Variants in RTBDN observed in about 807,000 individuals in gnomAD.
RTBDN encodes retbindin.
RTBDN carries 24 observed loss-of-function variants against 21.9 expected under a neutral mutation model. The ratio of observed to expected loss-of-function variants is 1.10; its 90% CI spans 0.79 to 1.54. The LOEUF (loss-of-function observed/expected upper bound fraction) is 1.54. Ranked by LOEUF, RTBDN falls within the 40% of genes most tolerant of loss-of-function variation. RTBDN has a pLI of 0.00. For synonymous variants in RTBDN, 141 were observed against 125.9 expected (o/e 1.12, Z -0.80); for missense variants, 325 against 315.2 (o/e 1.03, Z -0.23).
At chr19:12,829,033 A>G in intron 2 of RTBDN, 80 bp from the exon 3 acceptor site, 1 of 1,577,898 alleles carries the variant, frequency 6.3e-7, no homozygotes, top group Non-Finnish European at 8.6e-7. Context: ...GATCCCCTGG[A>G]CAGGGGAGAC....
chr19:12,826,109 G>T, intron 5 of RTBDN, 176 bp from the exon 6 acceptor site: 1 of 1,401,954 alleles, frequency 7.1e-7, no homozygotes. Flanking sequence ...GAGGGTGAAT[G>T]TTCTTACTGG....
upstream of RTBDN, chr19:12,835,418 G>T (rs1467303109): frequency 5.9e-6 from 2 of 338,894 alleles, no homozygotes; most frequent in African/African-American, 2.1e-5. Context: ...GGTCCGCGCC[G>T]TCGGGTTTCT....
chr19:12,835,111 C>T (rs371005746), upstream of RTBDN: 4 of 1,612,814 alleles, frequency 2.5e-6, no homozygotes, highest in Non-Finnish European at 3.4e-6. Context: ...CTAGACTCCC[C>T]TAATCCATCA....
chr19:12,834,519 C>T lies in RTBDN; in HGVS notation c.-49G>A. 1 of 1,535,600 alleles carries T rather than the reference C, an allele frequency of 6.5e-7. No individual in the cohort carries two copies. The highest frequency in any genetic ancestry group is 1.2e-5 in the South Asian group (1 of 84,052). On this transcript the variant is annotated 5_prime_UTR_variant, in exon 1 of 6. Transcript: ENST00000674343. The surrounding 1 kb of genome is among the most constrained non-coding windows in gnomAD (Gnocchi z 4.7). ...TGGCCATCAGGATTCTTCCTACTGC[C>T]CTAATTGGACAGGCACCTAGACAGC...
intron 4 of RTBDN, among the ~76,000 whole-genome samples, chr19:12,828,119 C>T (rs1268078219): frequency 1.4e-5 from 2 of 146,054 alleles, no homozygotes; most frequent in Non-Finnish European, 3.0e-5. Context: ...AAAAAAAGGC[C>T]GGGCACGGTG....
upstream of RTBDN, chr19:12,835,024 C>T: frequency 6.3e-7 from 1 of 1,595,468 alleles, no homozygotes; most frequent in Non-Finnish European, 8.6e-7. Context: ...CGAGAATGGG[C>T]CCAGACTCAG....
Position 12,830,041 on chromosome 19 carries a change from T to C in RTBDN, c.-18-44A>G. 4 of 1,572,638 alleles carry C rather than the reference T, an allele frequency of 2.5e-6. No individual in the cohort carries two copies. Among genetic ancestry groups the C allele is most frequent in the Non-Finnish European group, 3.5e-6 (4 of 1,151,136 alleles). On this transcript the variant is annotated intron_variant, in intron 1 of 5. Coordinates refer to ENST00000674343, the MANE Select transcript of RTBDN (RefSeq NM_001270441.2). This position sits in a 1 kb window ranked among gnomAD's most constrained non-coding sequence, Gnocchi z 4.2. ...GGTTCAGCCATCCCTTTCTGTGAGC[T>C]TAGGGTGGCACCCACCCAGTGCATA...
chr19:12,834,522 A>G lies in RTBDN; in HGVS notation c.-52T>C. 6.5e-7 allele frequency: 1 copy of G among 1,535,448 alleles called. No individual in the cohort carries two copies. The highest frequency in any genetic ancestry group is 8.7e-7 in the Non-Finnish European group (1 of 1,146,578). On this transcript the variant is annotated 5_prime_UTR_variant, in exon 1 of 6. Coordinates refer to ENST00000674343, the MANE Select transcript of RTBDN (RefSeq NM_001270441.2). The surrounding 1 kb of genome is among the most constrained non-coding windows in gnomAD (Gnocchi z 4.7). ...CCATCAGGATTCTTCCTACTGCCCT[A>G]ATTGGACAGGCACCTAGACAGCTTT...
chr19:12,827,817 G>A (rs948525857), intron 4 of RTBDN, among the ~76,000 whole-genome samples: 2 of 152,028 alleles, frequency 1.3e-5, no homozygotes, highest in African/African-American at 4.8e-5. Flanking sequence ...GGCCTGGCTG[G>A]GCATGGTGGC....
Position 12,830,690 on chromosome 19 carries a change from T to A in RTBDN, c.-18-693A>T. 1 of 985,566 alleles carries A rather than the reference T, an allele frequency of 1.0e-6. No homozygotes were observed. Among genetic ancestry groups the A allele is most frequent in the Non-Finnish European group, 1.2e-6 (1 of 830,046 alleles). The allele number at this position is 985,566 out of a possible 1,614,324, so 61.1% of individuals were successfully genotyped here. On this transcript the variant is annotated intron_variant, in intron 1 of 5. Transcript: ENST00000674343. The surrounding 1 kb of genome is among the most constrained non-coding windows in gnomAD (Gnocchi z 4.2). ...AGGAAACTGGCTGCTGAAAGGGGCG[T>A]GGCTTAATGCAGGGGCGGGACCTCC...
intron 4 of RTBDN, among the ~76,000 whole-genome samples, chr19:12,828,293 G>A (rs1324162380): frequency 6.6e-6 from 1 of 151,796 alleles, no homozygotes; most frequent in Non-Finnish European, 1.5e-5. Flanking sequence ...CTACTCAGGA[G>A]GGTGAGGCAG....
In RTBDN at chr19:12,826,257, G is replaced by A. The variant is rs917074362; in HGVS notation, c.463-324C>T. ...TGTGGATGGACCCAGAGCAGGAATG[G>A]TTTCTTGGGAAGGGCAAATCTGGAC... On this transcript the variant is annotated intron_variant, in intron 5 of 5. Coordinates refer to ENST00000674343, the MANE Select transcript of RTBDN (RefSeq NM_001270441.2). 5.5e-6 allele frequency: 7 copies of A among 1,265,640 alleles called. No individual in the cohort carries two copies. In the African/African-American group the frequency reaches 1.1e-4, roughly 20 times the overall value. The allele number at this position is 1,265,640 out of a possible 1,614,324, so 78.4% of individuals were successfully genotyped here.
chr19:12,829,996 A>T lies in RTBDN; in HGVS notation c.-17T>A. The T allele has an allele frequency of 6.2e-7, 1 of 1,600,524 alleles. No individual in the cohort carries two copies. Among genetic ancestry groups the T allele is most frequent in the South Asian group, 1.1e-5 (1 of 90,824 alleles). On this transcript the variant is annotated splice_region_variant and 5_prime_UTR_variant, in exon 2 of 6. Coordinates refer to ENST00000674343, the MANE Select transcript of RTBDN (RefSeq NM_001270441.2). ...GCAGTCCATGTCCACCTGAGATAAG[A>T]GCTGGCAGGCATAGGGTGGGGTTCA...
At position 12,826,889 on chromosome 19, in the gene RTBDN, A is replaced by G; in HGVS notation, c.366-18T>C. The G allele has an allele frequency of 1.3e-6, 2 of 1,522,990 alleles. No homozygotes were observed. The highest frequency in any genetic ancestry group is 1.2e-5 in the South Asian group (1 of 83,448). 94.3% of individuals were successfully genotyped at this position (1,522,990 alleles called of 1,614,324 possible). On this transcript the variant is annotated intron_variant, in intron 4 of 5. Coordinates refer to ENST00000674343, the MANE Select transcript of RTBDN (RefSeq NM_001270441.2). ...TGGCGAACCTGGAGATGGCGAGTGG[A>G]GAGGTGGGTAAAGCCTTTGTAGTTA...
Position 12,834,512 on chromosome 19 carries a change from C to T in RTBDN, c.-42G>A. 2.6e-6 allele frequency: 4 copies of T among 1,535,600 alleles called. No individual in the cohort carries two copies. The highest frequency in any genetic ancestry group is 3.5e-6 in the Non-Finnish European group (4 of 1,146,672). ...ACCTGCCTGGCCATCAGGATTCTTC[C>T]TACTGCCCTAATTGGACAGGCACCT... On this transcript the variant is annotated 5_prime_UTR_variant, in exon 1 of 6. Transcript: ENST00000674343. This position sits in a 1 kb window ranked among gnomAD's most constrained non-coding sequence, Gnocchi z 4.7.
chr19:12,832,943 C>T (rs1969631192), intron 1 of RTBDN: 2 of 152,254 alleles, frequency 1.3e-5, no homozygotes, highest in African/African-American at 4.8e-5. Context: ...ACACTCTCCT[C>T]TCCAACTTTG....
At position 12,825,660 on chromosome 19, in the gene RTBDN, G is replaced by C; in HGVS notation, c.*46C>G. ...TGGGGTTCTGGGTGTCCTGAGGGGCGGGGCTGGGGGAAGGGTCGCTCCCCC... is the reference window on the plus strand; with the variant it reads ...TGGGGTTCTGGGTGTCCTGAGGGGCCGGGCTGGGGGAAGGGTCGCTCCCCC... On this transcript the variant is annotated 3_prime_UTR_variant, in exon 6 of 6. Transcript: ENST00000674343. 1 of 1,535,450 alleles carries C rather than the reference G, an allele frequency of 6.5e-7. No homozygotes were observed. The highest frequency in any genetic ancestry group is 1.4e-5 in the African/African-American group (1 of 72,876).
chr19:12,826,140 G>A (rs1217479744), intron 5 of RTBDN: 30 of 1,392,188 alleles, frequency 2.2e-5, no homozygotes, highest in Non-Finnish European at 2.7e-5. Context: ...GATGAATCAG[G>A]GTTGGGGCAG....
At chr19:12,829,782 G>A in intron 2 of RTBDN, 29 bp downstream of exon 2, 1 of 1,585,870 alleles carries the variant, frequency 6.3e-7, no homozygotes, top group Non-Finnish European at 8.6e-7. Context: ...TCTGGGTGTT[G>A]GTGGTGAGGC....
Sources: allele counts gnomAD v4.1 joint callset (sites outside exome capture counted in the v4.1 genomes callset), GRCh38; gene constraint gnomAD v4.1.1; non-coding constraint Gnocchi (gnomAD v3.1); transcripts MANE v1.5; gene names NCBI Gene and HGNC (gene_info 2026-07-23, HGNC 2026-07-21).